The following KCND2 variants were observed in gnomAD, a reference collection of about 807,000 sequenced individuals.
KCND2 encodes potassium voltage-gated channel subfamily D member 2.
Under a neutral mutation model 54.4 loss-of-function variants are expected in KCND2, and 16 were observed. That is an observed-to-expected ratio of 0.29 (90% CI 0.20 to 0.45). The LOEUF is 0.45. Among genes scored for constraint, KCND2 ranks in the 20% least tolerant of loss-of-function variants. KCND2 has a pLI of 1.00. For synonymous variants in KCND2, 317 were observed against 310.7 expected (o/e 1.02, Z -0.21); for missense variants, 486 against 824.2 (o/e 0.59, Z 5.02).
intron 1 of KCND2, among the ~76,000 whole-genome samples, chr7:120,512,563 C>T (rs1803134556): frequency 6.6e-6 from 1 of 151,940 alleles, no homozygotes; most frequent in Admixed American, 6.6e-5. Flanking sequence ...GCCCATGGCA[C>T]TAATAAGTCA....
chr7:120,292,427 A>T (rs1799449066), intron 1 of KCND2, among the ~76,000 whole-genome samples: 1 of 151,940 alleles, frequency 6.6e-6, no homozygotes, highest in African/African-American at 2.4e-5. Flanking sequence ...TGTTTCACAG[A>T]TATAGACTTG....
intron 1 of KCND2, among the ~76,000 whole-genome samples, chr7:120,368,714 A>G (rs1244229711): frequency 6.6e-6 from 1 of 152,134 alleles, no homozygotes; most frequent in Non-Finnish European, 1.5e-5. Flanking sequence ...AGATGTTTAT[A>G]GGAAATTTGA....
At chr7:120,313,930 T>C (rs1242078038) in intron 1 of KCND2, among the ~76,000 whole-genome samples, 1 of 152,008 alleles carries the variant, frequency 6.6e-6, no homozygotes, top group Non-Finnish European at 1.5e-5. Flanking sequence ...AGGACACTTT[T>C]ATTTCTTCAG....
chr7:120,384,436 C>T (rs902174316), intron 1 of KCND2, among the ~76,000 whole-genome samples: 10 of 152,226 alleles, frequency 6.6e-5, no homozygotes, highest in Admixed American at 3.3e-4. Flanking sequence ...CTTCTCCTTG[C>T]GCTCCACCAG....
intron 1 of KCND2, among the ~76,000 whole-genome samples, chr7:120,393,170 A>T (rs1244995017): frequency 6.6e-6 from 1 of 151,968 alleles, no homozygotes; most frequent in Non-Finnish European, 1.5e-5. Context: ...GCATTTACAA[A>T]CTGTGTGACC....
chr7:120,613,297 A>G (rs1403667037), intron 1 of KCND2, among the ~76,000 whole-genome samples: 1 of 152,138 alleles, frequency 6.6e-6, no homozygotes, highest in Non-Finnish European at 1.5e-5. Flanking sequence ...TTGGGAGGCC[A>G]AGGTAGGCAG....
chr7:120,659,051 T>C (rs1372605888), intron 1 of KCND2, among the ~76,000 whole-genome samples: 1 of 152,150 alleles, frequency 6.6e-6, no homozygotes, highest in African/African-American at 2.4e-5. Flanking sequence ...AATAATAAAT[T>C]TTTGTTAGGA....
intron 1 of KCND2, among the ~76,000 whole-genome samples, chr7:120,414,305 A>T (rs960623214): frequency 6.6e-6 from 1 of 152,150 alleles, no homozygotes; most frequent in Non-Finnish European, 1.5e-5. Flanking sequence ...CACCTGGATC[A>T]AAAACCATTT....
At chr7:120,464,154 T>G in intron 1 of KCND2, 1 of 859,558 alleles carries the variant, frequency 1.2e-6, no homozygotes, top group Non-Finnish European at 1.4e-6. Context: ...CAAATTGTAT[T>G]GTCAGGGTTT....
At chr7:120,390,643 A>G (rs752292821) in intron 1 of KCND2, among the ~76,000 whole-genome samples, 3 of 152,032 alleles carry the variant, frequency 2.0e-5, no homozygotes, top group Non-Finnish European at 2.9e-5. Flanking sequence ...TTCATTACTA[A>G]GTAACATAGC....
intron 1 of KCND2, among the ~76,000 whole-genome samples, chr7:120,277,855 T>C (rs1799201328): frequency 6.6e-6 from 1 of 151,990 alleles, no homozygotes; most frequent in Non-Finnish European, 1.5e-5. Context: ...ATTGCCTGAG[T>C]AAAATCTATG....
At chr7:120,287,051 G>A (rs1186994942) in intron 1 of KCND2, among the ~76,000 whole-genome samples, 33 of 151,998 alleles carry the variant, frequency 2.2e-4, no homozygotes, top group Admixed American at 2.2e-3. Context: ...TTCATGAAGA[G>A]TTTTTTAGAG....
intron 1 of KCND2, among the ~76,000 whole-genome samples, chr7:120,504,288 A>T (rs1168169581): frequency 6.6e-6 from 1 of 151,946 alleles, no homozygotes; most frequent in Admixed American, 6.6e-5. Context: ...ATGATTTTTG[A>T]GTTATCAGAG....
intron 1 of KCND2, among the ~76,000 whole-genome samples, chr7:120,638,097 A>C (rs192911327): frequency 7.9e-5 from 12 of 152,274 alleles, no homozygotes; most frequent in African/African-American, 2.9e-4. Flanking sequence ...GGTTGGAGCA[A>C]AAAGTTTCAC....
In KCND2 at chr7:120,283,105, T is replaced by A. The variant is rs566734944; in HGVS notation, c.1115+7358T>A. 4.6e-5 allele frequency among the ~76,000 whole-genome samples: 7 copies of A among 152,246 alleles called. No homozygotes were observed. The South Asian group carries it at 1.2e-3, about 27-fold the overall frequency. ...CCAATGGCTGATTAAAGTGATGAAA[T>A]GACTTTCTGACTATCTGGATGAAGA... On this transcript the variant is annotated intron_variant, in intron 1 of 5. Transcript: ENST00000331113.
At chr7:120,638,420 A>G (rs1277577899) in intron 1 of KCND2, among the ~76,000 whole-genome samples, 2 of 152,136 alleles carry the variant, frequency 1.3e-5, no homozygotes, top group Non-Finnish European at 2.9e-5. Flanking sequence ...AAATTCCATA[A>G]TAAATTTACT....
chr7:120,739,162 T>C (rs987507377), intron 2 of KCND2, among the ~76,000 whole-genome samples: 2 of 152,002 alleles, frequency 1.3e-5, no homozygotes, highest in Non-Finnish European at 2.9e-5. Context: ...TTTTGGTTAA[T>C]GTATATGTTT....
chr7:120,406,238 A>G (rs1215655425), intron 1 of KCND2, among the ~76,000 whole-genome samples: 1 of 152,030 alleles, frequency 6.6e-6, no homozygotes, highest in Non-Finnish European at 1.5e-5. Flanking sequence ...CATTAATTCA[A>G]ATAAAATTCA....
At chr7:120,317,416 G>A (rs1799828967) in intron 1 of KCND2, among the ~76,000 whole-genome samples, 1 of 151,914 alleles carries the variant, frequency 6.6e-6, no homozygotes, top group African/African-American at 2.4e-5. Context: ...CATGTCAATT[G>A]TGTCTTTAAT....
Sources: allele counts gnomAD v4.1 joint callset (sites outside exome capture counted in the v4.1 genomes callset), GRCh38; gene constraint gnomAD v4.1.1; transcripts MANE v1.5; gene names NCBI Gene and HGNC (gene_info 2026-07-23, HGNC 2026-07-21).